Variants in GRIA1 observed in about 807,000 individuals in gnomAD.
GRIA1 encodes glutamate receptor 1.
A neutral mutation model predicts 99.2 loss-of-function variants in GRIA1; 31 were observed. The ratio of observed to expected loss-of-function variants is 0.31; its 90% CI spans 0.23 to 0.42. GRIA1 has a LOEUF of 0.42. Among genes scored for constraint, GRIA1 ranks in the 10% least tolerant of loss-of-function variants. The pLI is 1.00. For synonymous variants in GRIA1, 438 were observed against 432.4 expected, an observed-to-expected ratio of 1.01 and a Z score of -0.16; for missense variants, 782 against 1,157.5, an observed-to-expected ratio of 0.68 and a Z score of 4.71.
At chr5:153,682,946 C>G (rs1209502978) in intron 7 of GRIA1, among the ~76,000 whole-genome samples, 1 of 152,252 alleles carries the variant, frequency 6.6e-6, no homozygotes, top group Non-Finnish European at 1.5e-5. Flanking sequence ...AGACTCTGAG[C>G]TGGCACCCAG....
intron 11 of GRIA1, among the ~76,000 whole-genome samples, chr5:153,707,113 T>G (rs779496167): frequency 5.9e-5 from 9 of 151,924 alleles, no homozygotes; most frequent in Admixed American, 2.0e-4. Flanking sequence ...AGTGAGACTC[T>G]GTCTTTAAAA....
At chr5:153,730,738 G>T (rs1287823595) in intron 11 of GRIA1, among the ~76,000 whole-genome samples, 1 of 152,072 alleles carries the variant, frequency 6.6e-6, no homozygotes, top group Non-Finnish European at 1.5e-5. Flanking sequence ...ATAACACATT[G>T]TTGCATTAAT....
intron 11 of GRIA1, among the ~76,000 whole-genome samples, chr5:153,726,790 C>T (rs1447471045): frequency 3.3e-5 from 5 of 152,116 alleles, no homozygotes; most frequent in Non-Finnish European, 7.3e-5. Context: ...GATTCACAGC[C>T]GAATTCTACC....
chr5:153,709,407 C>A (rs896755850), intron 11 of GRIA1, among the ~76,000 whole-genome samples: 2 of 152,168 alleles, frequency 1.3e-5, no homozygotes, highest in African/African-American at 2.4e-5. Context: ...CCACAAGTAG[C>A]TTTAACTCTT....
chr5:153,724,792 G>T (rs1327260792), intron 11 of GRIA1, among the ~76,000 whole-genome samples: 3 of 151,440 alleles, frequency 2.0e-5, no homozygotes, highest in African/African-American at 4.8e-5. Context: ...GAAAGTGATG[G>T]GGAGAATGGA....
chr5:153,527,721 G>A (rs981405642), intron 2 of GRIA1, among the ~76,000 whole-genome samples: 2 of 152,174 alleles, frequency 1.3e-5, no homozygotes, highest in Non-Finnish European at 2.9e-5. Context: ...GTTTCACAAT[G>A]TTCACTTTCT....
chr5:153,697,539 AT>A (rs1430123184), intron 8 of GRIA1, among the ~76,000 whole-genome samples: 1 of 152,250 alleles, frequency 6.6e-6, no homozygotes, highest in Non-Finnish European at 1.5e-5. Flanking sequence ...ATTTTTAAAA[AT>A]AAAGGATAAA....
rs1226744942 is a variant in GRIA1, at chr5:153,668,701, G to T, written c.700-5799G>T. ...ATGTGGAATAGGGGGACACTAATAG[G>T]CTTCAGATAAACTAGACACTTTGGA... is the stretch of plus-strand genomic sequence containing the variant. On this transcript the variant is annotated intron_variant, in intron 5 of 15. Coordinates refer to ENST00000285900, the MANE Select transcript of GRIA1 (RefSeq NM_000827.4). Among the ~76,000 whole-genome samples, 3 of 152,184 alleles carry T rather than the reference G, an allele frequency of 2.0e-5. No individual in the cohort carries two copies. In the South Asian group the frequency reaches 6.2e-4, roughly 31 times the overall value.
intron 2 of GRIA1, among the ~76,000 whole-genome samples, chr5:153,590,135 C>T (rs1301370964): frequency 1.3e-5 from 2 of 152,096 alleles, no homozygotes; most frequent in African/African-American, 4.8e-5. Context: ...TGTACATTTT[C>T]AAGTATCATT....
At chr5:153,676,837 C>T (rs1756621397) in intron 6 of GRIA1, among the ~76,000 whole-genome samples, 157 bp from the exon 7 acceptor site, 2 of 152,124 alleles carry the variant, frequency 1.3e-5, no homozygotes, top group African/African-American at 2.4e-5. Flanking sequence ...TCAGGGACAC[C>T]ATCCCTGATT....
intron 2 of GRIA1, among the ~76,000 whole-genome samples, chr5:153,633,521 GC>G (rs200867486): frequency 0.044 from 6,773 of 152,290 alleles, 172 homozygotes; most frequent in Non-Finnish European, 0.056. Context: ...AGGCAGCTGA[GC>G]TTTTGCTAAA....
chr5:153,612,695 A>G (rs1331476545), intron 2 of GRIA1, among the ~76,000 whole-genome samples: 3 of 152,264 alleles, frequency 2.0e-5, no homozygotes, highest in Non-Finnish European at 2.9e-5. Context: ...AGAACTTTGC[A>G]TAATCCGTAA....
intron 2 of GRIA1, among the ~76,000 whole-genome samples, chr5:153,610,390 C>G (rs1001193383): frequency 6.6e-5 from 10 of 152,194 alleles, no homozygotes; most frequent in African/African-American, 2.4e-4. Flanking sequence ...TCAGAATAGA[C>G]CTTGTTGAAA....
chr5:153,763,354 T>C (rs1261803372), intron 11 of GRIA1, among the ~76,000 whole-genome samples: 1 of 152,192 alleles, frequency 6.6e-6, no homozygotes, highest in Admixed American at 6.5e-5. Flanking sequence ...ATGGGTTGCA[T>C]TGGTGATTTC....
intron 2 of GRIA1, among the ~76,000 whole-genome samples, chr5:153,565,162 C>G (rs1248196603): frequency 1.3e-5 from 2 of 152,192 alleles, no homozygotes; most frequent in Non-Finnish European, 2.9e-5. Flanking sequence ...CATACATTCA[C>G]CTATTTTAGT....
At chr5:153,636,661 A>G (rs1435477860) in intron 2 of GRIA1, among the ~76,000 whole-genome samples, 2 of 152,246 alleles carry the variant, frequency 1.3e-5, no homozygotes, top group African/African-American at 4.8e-5. Flanking sequence ...TTGGATTCTG[A>G]ATCTTCTACT....
At chr5:153,497,145 G>A (rs1274963990) in intron 2 of GRIA1, among the ~76,000 whole-genome samples, 2 of 152,136 alleles carry the variant, frequency 1.3e-5, no homozygotes, top group African/African-American at 4.8e-5. Flanking sequence ...AATCTTTCTT[G>A]CTTCCCTGGT....
chr5:153,629,184 G>C (rs1265774654), intron 2 of GRIA1, among the ~76,000 whole-genome samples: 1 of 152,114 alleles, frequency 6.6e-6, no homozygotes, highest in Non-Finnish European at 1.5e-5. Context: ...TGTGAGGAGG[G>C]CAAAAATGCC....
chr5:153,681,301 A>G (rs1468406356), intron 7 of GRIA1, among the ~76,000 whole-genome samples: 2 of 152,200 alleles, frequency 1.3e-5, no homozygotes, highest in Non-Finnish European at 2.9e-5. Flanking sequence ...CCATGATGCA[A>G]AAACCTCCCA....
Sources: gnomAD v4.1 joint callset for allele counts (sites outside exome capture counted in the v4.1 genomes callset) on GRCh38, gnomAD v4.1.1 for gene constraint, MANE v1.5 for transcripts, NCBI Gene and HGNC (gene_info 2026-07-23, HGNC 2026-07-21) for gene names.